HERC1: variants seen among roughly 807,000 people sequenced by gnomAD.
The protein encoded by HERC1 is HECT and RLD domain containing E3 ubiquitin protein ligase family member 1, also known as probable E3 ubiquitin-protein ligase HERC1.
HERC1 carries 160 observed loss-of-function variants against 554.3 expected under a neutral mutation model. The observed-to-expected ratio is 0.29, with a 90% CI of 0.25 to 0.33. The LOEUF (loss-of-function observed/expected upper bound fraction) is 0.33. Ranked by LOEUF, HERC1 falls within the 10% of genes least tolerant of loss-of-function variation. HERC1 has a pLI of 1.00. For missense variants in HERC1, 4,919 were observed against 5,918.5 expected, an observed-to-expected ratio of 0.83 and a Z score of 5.54; for synonymous variants, 2,175 against 2,131.7, an observed-to-expected ratio of 1.02 and a Z score of -0.56.
At chr15:63,651,472 T>C (rs948006667) in intron 52 of HERC1, 92 bp from the exon 53 acceptor site, 14 of 1,210,522 alleles carry the variant, frequency 1.2e-5, no homozygotes, top group Non-Finnish European at 1.3e-5. Flanking sequence ...TCATATAGAC[T>C]AGAGTGTATA....
Position 63,635,977 on chromosome 15 carries a change from C to G in HERC1, c.12398G>C (p.Gly4133Ala), listed in dbSNP as rs2068762437. The G allele has an allele frequency of 6.2e-7, 1 of 1,613,872 alleles. No individual in the cohort carries two copies. The highest frequency in any genetic ancestry group is 8.5e-7 in the Non-Finnish European group (1 of 1,179,882). ...RRPRQIEALQ[G>A]EEVVQMSCGF... ...CTGCCTGACCTGCACCACTTCTTCT[C>G]CTTGTAAGGCCTCGATCTGCCTGGG... Residue 4133 changes from glycine to alanine, a missense_variant, in exon 65 of 78, where the codon GGA (glycine) becomes GCA (alanine). This residue lies in a region of HERC1 where 122 missense variants were observed against 195.2 expected (regional missense o/e 0.63). Transcript: ENST00000443617.
chr15:63,733,448 A>G (rs2074377681), intron 13 of HERC1, among the ~76,000 whole-genome samples: 2 of 152,220 alleles, frequency 1.3e-5, no homozygotes, highest in South Asian at 2.1e-4. Context: ...ATGCCAATAG[A>G]TAAATAATAT....
In HERC1 at chr15:63,716,366, T is replaced by C. The variant is rs1350433806; in HGVS notation, c.4086A>G (p.Glu1362=). 1 of 1,613,926 alleles carries C rather than the reference T, an allele frequency of 6.2e-7. No individual in the cohort carries two copies. Among genetic ancestry groups the C allele is most frequent in the Non-Finnish European group, 8.5e-7 (1 of 1,179,844 alleles). Residue 1362 remains glutamate (E), a synonymous_variant, in exon 22 of 78, where the codon GAA becomes GAG. Transcript: ENST00000443617. ...EMEEQAERDR[E]EGHPEPEDEE... ...CATCCTCTGGCTCCGGATGCCCCTC[T>C]TCCCGGTCTCTCTCAGCCTGTTCTT...
intron 27 of HERC1, among the ~76,000 whole-genome samples, chr15:63,695,383 C>CTTT (rs35039072): frequency 9.7e-6 from 1 of 103,306 alleles, no homozygotes; most frequent in Non-Finnish European, 2.0e-5. Context: ...TCTGTATAAT[C>CTTT]TTTTTTTTTT....
chr15:63,781,471 ATTG>A (rs2076287070), intron 1 of HERC1, among the ~76,000 whole-genome samples: 1 of 152,104 alleles, frequency 6.6e-6, no homozygotes, highest in Admixed American at 6.5e-5. Flanking sequence ...GCAAGCTTTG[ATTG>A]TTATTATTGT....
At position 63,775,209 on chromosome 15, in the gene HERC1, C is replaced by T; in HGVS notation, c.415G>A (p.Gly139Ser). ...QQQHSPESSS[G>S]SADVHSVSER... ...CTAACAGAATGGACATCTGCTGAAC[C>T]AGAACTGCTCTCCGGAGAATGCTGC... Residue 139 changes from glycine to serine, a missense_variant, in exon 2 of 78, where the codon GGT becomes AGT. Physicochemically the swap from Gly to Ser is moderately conservative, Grantham distance 56 (BLOSUM62 0). Coordinates refer to ENST00000443617, the MANE Select transcript of HERC1 (RefSeq NM_003922.4). The surrounding 1 kb of genome is among the most constrained non-coding windows in gnomAD (Gnocchi z 4.0). 1 of 1,613,968 alleles carries T rather than the reference C, an allele frequency of 6.2e-7. No homozygotes were observed. The highest frequency in any genetic ancestry group is 8.5e-7 in the Non-Finnish European group (1 of 1,179,878).
At chr15:63,738,536 C>CT (rs1416095322) in intron 12 of HERC1, among the ~76,000 whole-genome samples, 5 of 151,976 alleles carry the variant, frequency 3.3e-5, no homozygotes, top group South Asian at 4.1e-4. Flanking sequence ...TTCCTTAAGT[C>CT]TACAGGTAGT....
At chr15:63,783,117 T>C (rs980870745) in intron 1 of HERC1, among the ~76,000 whole-genome samples, 13 of 152,364 alleles carry the variant, frequency 8.5e-5, no homozygotes, top group Admixed American at 2.0e-4. Context: ...GATAATGCAG[T>C]AGCAGAGTTA....
intron 31 of HERC1, among the ~76,000 whole-genome samples, chr15:63,691,652 G>A (rs1301467531): frequency 6.6e-6 from 1 of 151,738 alleles, no homozygotes; most frequent in Non-Finnish European, 1.5e-5. Flanking sequence ...GAAAAAAAAA[G>A]GAGCAGTTGT....
At chr15:63,651,453 A>G in intron 52 of HERC1, 73 bp from the exon 53 acceptor site, 1 of 1,453,438 alleles carries the variant, frequency 6.9e-7, no homozygotes. Context: ...AAACCTTAAA[A>G]TAAGGGTTTC....
chr15:63,707,109 C>T (rs1394850791), intron 24 of HERC1, among the ~76,000 whole-genome samples: 2 of 152,214 alleles, frequency 1.3e-5, no homozygotes, highest in Non-Finnish European at 1.5e-5. Context: ...CCATTGGAAT[C>T]TTTGTCTTTT....
Position 63,734,876 on chromosome 15 carries a change from G to C in HERC1, c.2521-27C>G, listed in dbSNP as rs1342287923. The C allele has an allele frequency of 1.3e-6, 2 of 1,594,546 alleles. No individual in the cohort carries two copies. The highest frequency in any genetic ancestry group is 4.5e-5 in the East Asian group (2 of 44,088). ...TAATATCAAAAGAGAAAAGTATACT[G>C]ATTGGCCTGGTTCTTAGTTTTTAAT... On this transcript the variant is annotated intron_variant, in intron 12 of 77. Transcript: ENST00000443617. This position sits in a 1 kb window ranked among gnomAD's most constrained non-coding sequence, Gnocchi z 4.6.
intron 1 of HERC1, among the ~76,000 whole-genome samples, chr15:63,813,862 G>GT (rs138916852): frequency 0.019 from 2,855 of 152,254 alleles, 36 homozygotes; most frequent in Non-Finnish European, 0.026. Context: ...GAGGTCAGGA[G>GT]TTTGAGACCA....
At chr15:63,804,985 T>A (rs192002537) in intron 1 of HERC1, among the ~76,000 whole-genome samples, 6 of 151,786 alleles carry the variant, frequency 4.0e-5, no homozygotes, top group African/African-American at 1.5e-4. Context: ...TCTCATACAC[T>A]GCTGGTAGAA....
intron 25 of HERC1, among the ~76,000 whole-genome samples, chr15:63,704,734 ATTTT>A (rs567922548): frequency 3.4e-5 from 3 of 88,442 alleles, no homozygotes; most frequent in African/African-American, 4.2e-5. Flanking sequence ...ATACTCTGTA[ATTTT>A]TTTTTTTTTT....
chr15:63,797,112 T>G (rs2076836681), intron 1 of HERC1, among the ~76,000 whole-genome samples: 1 of 152,152 alleles, frequency 6.6e-6, no homozygotes, highest in Admixed American at 6.5e-5. Context: ...TCAGAGAAAT[T>G]TATAGTTTGA....
At chr15:63,615,149 T>C (rs1247582437) in intron 76 of HERC1, among the ~76,000 whole-genome samples, 2 of 151,918 alleles carry the variant, frequency 1.3e-5, no homozygotes. Flanking sequence ...CAGTAAGACA[T>C]GAGGACAAAC....
rs767069176 is a variant in HERC1 at position 63,652,517 on chromosome 15, T to C, written c.10315A>G (p.Lys3439Glu). The stretch of plus-strand genomic sequence containing the variant: ...CCACTTGTAGCCAAAAGACCTTTTT[T>C]ATTACACCAAACACATGTCATTACC... ...NRVMTCVWCN[K>E]KGLLATSGND... The change falls in exon 52 of 78, where the codon AAA becomes GAA. Residue 3439 changes from lysine (K) to glutamate (E), a missense_variant. Coordinates refer to ENST00000443617, the MANE Select transcript of HERC1 (RefSeq NM_003922.4). 3 of 1,600,282 alleles carry C rather than the reference T, an allele frequency of 1.9e-6. No homozygotes were observed. The highest frequency in any genetic ancestry group is 2.6e-6 in the Non-Finnish European group (3 of 1,172,098).
rs1249184790 is a variant in HERC1, at chr15:63,666,385, C to T, written c.8294G>A (p.Arg2765Gln). ...AGCTTCCATGGCTTTGGCAATCTGC[C>T]GAAGAGAGAACCCCATTTCCAGCAA... ...VPLLEMGFSL[R>Q]QIAKAMEATG... is the part of the protein sequence containing the mutation. The change falls in exon 41 of 78, where the codon CGG (arginine) becomes CAG (glutamine). Residue 2765 changes from arginine (R) to glutamine (Q), a missense_variant. This residue lies in a region of HERC1 where 1,963 missense variants were observed against 2,228.6 expected (regional missense o/e 0.88). Transcript: ENST00000443617. 3 of 1,613,224 alleles carry T rather than the reference C, an allele frequency of 1.9e-6. No individual in the cohort carries two copies. Among genetic ancestry groups the T allele is most frequent in the Admixed American group, 1.7e-5 (1 of 59,940 alleles).
Sources: gnomAD v4.1 joint callset for allele counts (sites outside exome capture counted in the v4.1 genomes callset) on GRCh38, gnomAD v4.1.1 for gene constraint, gnomAD v4.1.1 regional missense constraint, Gnocchi (gnomAD v3.1) non-coding constraint, MANE v1.5 for transcripts, NCBI Gene and HGNC (gene_info 2026-07-23, HGNC 2026-07-21) for gene names.